SRGAP2B: variants seen among roughly 807,000 people sequenced by gnomAD.
The protein encoded by SRGAP2B is SLIT-ROBO Rho GTPase-activating protein 2B.
Under a neutral mutation model 22.2 loss-of-function variants are expected in SRGAP2B, and 9 were observed. The ratio of observed to expected loss-of-function variants is 0.41; its 90% CI spans 0.24 to 0.71. The LOEUF (loss-of-function observed/expected upper bound fraction) is 0.71, where lower values mean the gene tolerates loss of function less well. Ranked by LOEUF, SRGAP2B falls within the 30% of genes least tolerant of loss-of-function variation. The probability of loss-of-function intolerance (pLI) is 0.35; values close to 1 mark genes in which losing one functional copy is unlikely to be tolerated. For missense variants in SRGAP2B, 114 were observed against 235.8 expected (o/e 0.48, Z 3.38); for synonymous variants, 36 against 87.4 (o/e 0.41, Z 3.28).
rs199871559 is a variant in SRGAP2B, at chr1:144,966,152, C to G, written c.261-10551G>C. On this transcript the variant is annotated intron_variant, in intron 3 of 9. Coordinates refer to ENST00000612199, the Ensembl canonical transcript of SRGAP2B. ...GGAAATACAGAGAACGCCACAAAGA[C>G]ACTCCTCGAGAAGAGCAACTCCAAG... Among the ~76,000 whole-genome samples the G allele has an allele frequency of 2.7e-5, 4 of 147,704 alleles. No homozygotes were observed. In the Middle Eastern group the frequency reaches 0.014, roughly 520 times the overall value.
chr1:144,948,909 C>CTT (rs57634038), intron 4 of SRGAP2B, among the ~76,000 whole-genome samples: 2 of 100,266 alleles, frequency 2.0e-5, no homozygotes, highest in African/African-American at 4.4e-5. Context: ...ATATGGACCT[C>CTT]TTTTTTTTTT....
At chr1:144,965,993 A>G (rs1668055674) in intron 3 of SRGAP2B, among the ~76,000 whole-genome samples, 1 of 150,908 alleles carries the variant, frequency 6.6e-6, no homozygotes, top group African/African-American at 2.5e-5. Flanking sequence ...GGACTATGTG[A>G]AAAGACCAAA....
intron 4 of SRGAP2B, among the ~76,000 whole-genome samples, chr1:144,953,623 A>T (rs1378497218): frequency 4.1e-4 from 63 of 151,916 alleles, no homozygotes; most frequent in Admixed American, 5.9e-4. Context: ...TATACATGCC[A>T]TGTACCTACC....
chr1:144,925,739 G>GAAAGAAAGAAAGAA (rs1664649943), intron 4 of SRGAP2B, among the ~76,000 whole-genome samples: 2 of 101,364 alleles, frequency 2.0e-5, no homozygotes, highest in Non-Finnish European at 4.2e-5. Context: ...AAGAAAGAAA[G>GAAAGAAAGAAAGAA]AAAGAAAGAA....
intron 2 of SRGAP2B, among the ~76,000 whole-genome samples, chr1:145,024,947 A>G (rs1189625838): frequency 6.7e-6 from 1 of 149,716 alleles, no homozygotes; most frequent in Non-Finnish European, 1.5e-5. Context: ...ATCCCGTTGT[A>G]GAAGCACTTA....
intron 2 of SRGAP2B, among the ~76,000 whole-genome samples, chr1:145,088,878 C>A (rs1381547650): frequency 7.0e-6 from 1 of 142,834 alleles, no homozygotes; most frequent in Non-Finnish European, 1.5e-5. Flanking sequence ...GGTTCCATAT[C>A]TGCAGATTCA....
At chr1:144,952,430 T>C (rs1666944353) in intron 4 of SRGAP2B, among the ~76,000 whole-genome samples, 1 of 148,588 alleles carries the variant, frequency 6.7e-6, no homozygotes, top group African/African-American at 2.6e-5. Flanking sequence ...TGGGGTGTGG[T>C]ATGAAGAATG....
At chr1:145,041,276 T>A (rs587647134) in intron 2 of SRGAP2B, among the ~76,000 whole-genome samples, 16 of 103,110 alleles carry the variant, frequency 1.6e-4, no homozygotes, top group African/African-American at 6.1e-4. Context: ...TTGCCTCTAG[T>A]CTCCCTCCCT....
chr1:145,030,104 GC>G (rs1648096779), intron 2 of SRGAP2B, among the ~76,000 whole-genome samples: 3 of 148,848 alleles, frequency 2.0e-5, no homozygotes, highest in Non-Finnish European at 4.4e-5. Context: ...AATGTCCTTA[GC>G]CCCCTTTTGT....
rs1488815048 is a variant in SRGAP2B at position 144,965,145 on chromosome 1, A to C, written c.261-9544T>G. The stretch of plus-strand genomic sequence containing the variant: ...AGCCCTGGCTCAAAATAAATGATTC[A>C]GTGTAGGGGGGAGGAGCCAAGATGG... On this transcript the variant is annotated intron_variant, in intron 3 of 9. Coordinates refer to ENST00000612199, the Ensembl canonical transcript of SRGAP2B. The C allele has an allele frequency of 1.7e-5, 20 of 1,152,832 alleles. No individual in the cohort carries two copies. In the African/African-American group the frequency reaches 2.2e-4, roughly 13 times the overall value. The allele number at this position is 1,152,832 out of a possible 1,614,324, so 71.4% of individuals were successfully genotyped here.
At chr1:144,972,989 T>C (rs1553613582) in intron 3 of SRGAP2B, among the ~76,000 whole-genome samples, 1 of 138,358 alleles carries the variant, frequency 7.2e-6, no homozygotes, top group Non-Finnish European at 1.5e-5. Context: ...GCACCTGTGG[T>C]CCTAGCTACT....
Position 144,888,866 on chromosome 1 carries a change from G to A in SRGAP2B, c.*3294C>T, listed in dbSNP as rs1202962735. ...TTGATCAGGCTGGTCTCAAACTCCC[G>A]ACCTCAGGTGATCCGCCCGCCTCGG... On this transcript the variant is annotated 3_prime_UTR_variant, in exon 10 of 10. Transcript: ENST00000612199. The A allele has an allele frequency of 2.4e-5, 3 of 126,856 alleles. 1 individual carries two copies. Among genetic ancestry groups the A allele is most frequent in the Admixed American group, 1.5e-4 (2 of 13,004 alleles). The allele number at this position is 126,856 out of a possible 1,614,324, so 7.9% of individuals were successfully genotyped here. A position where few individuals can be genotyped will look rare whatever the true frequency, so the allele number is the denominator to read the frequency against.
At chr1:145,009,359 C>T (rs199490575) in intron 2 of SRGAP2B, among the ~76,000 whole-genome samples, 3 of 149,652 alleles carry the variant, frequency 2.0e-5, no homozygotes, top group Admixed American at 6.6e-5. Context: ...GAGGCCGAGG[C>T]GGGCGGATCA....
chr1:144,965,161 G>C (rs1667980779), intron 3 of SRGAP2B: 3 of 1,114,886 alleles, frequency 2.7e-6, no homozygotes, highest in Non-Finnish European at 4.1e-6. Context: ...GGGGGGAGGA[G>C]CCAAGATGGC....
chr1:144,902,918 G>GTT (rs1284086218), intron 7 of SRGAP2B, among the ~76,000 whole-genome samples: 3 of 54,518 alleles, frequency 5.5e-5, no homozygotes, highest in African/African-American at 1.6e-4. Context: ...CTTAGCAGAC[G>GTT]TTTTTTTTTT....
chr1:144,988,629 C>T, intron 3 of SRGAP2B, among the ~76,000 whole-genome samples: 1 of 142,506 alleles, frequency 7.0e-6, no homozygotes, highest in Non-Finnish European at 1.5e-5. Flanking sequence ...GCTCTTTGTT[C>T]TCCTCTTTCT....
chr1:144,940,491 T>C (rs1331995938), intron 4 of SRGAP2B, among the ~76,000 whole-genome samples: 1 of 149,242 alleles, frequency 6.7e-6, no homozygotes, highest in Non-Finnish European at 1.5e-5. Flanking sequence ...AAGAACATAG[T>C]CCAGGGGAGA....
intron 2 of SRGAP2B, among the ~76,000 whole-genome samples, chr1:144,998,668 G>C (rs1345826952): frequency 6.6e-6 from 1 of 150,854 alleles, no homozygotes; most frequent in Non-Finnish European, 1.5e-5. Flanking sequence ...AAAGAAGAAA[G>C]GAAGCAGAAA....
At chr1:144,990,740 G>A (rs1303768351) in intron 3 of SRGAP2B, among the ~76,000 whole-genome samples, 84 of 151,238 alleles carry the variant, frequency 5.6e-4, no homozygotes, top group Middle Eastern at 3.4e-3. Flanking sequence ...CCCCGCACTC[G>A]GAGCAGCCGG....
Sources: allele counts gnomAD v4.1 joint callset (sites outside exome capture counted in the v4.1 genomes callset), GRCh38; gene constraint gnomAD v4.1.1; transcripts MANE v1.5; gene names NCBI Gene and HGNC (gene_info 2026-07-23, HGNC 2026-07-21).